The following AASS variants were observed in gnomAD, a reference collection of about 807,000 sequenced individuals.
The protein encoded by AASS is alpha-aminoadipic semialdehyde synthase, mitochondrial.
AASS carries 86 observed loss-of-function variants against 105.4 expected under a neutral mutation model. The observed-to-expected ratio is 0.82, with a 90% CI of 0.69 to 0.98. The LOEUF (loss-of-function observed/expected upper bound fraction) is 0.98. Ranked by LOEUF, AASS falls within the 50% of genes least tolerant of loss-of-function variation. AASS has a pLI of 0.00. For missense variants in AASS, 1,048 were observed against 1,143.2 expected, an observed-to-expected ratio of 0.92 and a Z score of 1.20; for synonymous variants, 381 against 394.8, an observed-to-expected ratio of 0.96 and a Z score of 0.41.
At position 122,118,646 on chromosome 7, in the gene AASS, A is replaced by G. The variant is rs1795302126; in HGVS notation, c.473-16T>C. 2 of 1,612,200 alleles carry G rather than the reference A, an allele frequency of 1.2e-6. No homozygotes were observed. The highest frequency in any genetic ancestry group is 4.5e-5 in the East Asian group (2 of 44,810). ...TTGATCATTCCTGTTACAGAATCAG[A>G]CCAATAGAAAGACTATTAGTTGGGA... On this transcript the variant is annotated splice_polypyrimidine_tract_variant and intron_variant, in intron 4 of 23. Coordinates refer to ENST00000417368, the MANE Select transcript of AASS (RefSeq NM_005763.4).
intron 6 of AASS, 144 bp downstream of exon 6, chr7:122,118,163 T>C: frequency 5.8e-6 from 5 of 855,104 alleles, no homozygotes; most frequent in South Asian, 1.6e-5. Context: ...TACTTTTCAC[T>C]ATGAGAAAAA....
At position 122,086,162 on chromosome 7, in the gene AASS, T is replaced by C; in HGVS notation, c.2034A>G (p.Gly678=). 1.2e-6 allele frequency: 2 copies of C among 1,613,358 alleles called. No individual in the cohort carries two copies. Among genetic ancestry groups the C allele is most frequent in the Non-Finnish European group, 1.7e-6 (2 of 1,179,704 alleles). The part of the protein sequence containing the change: ...LLDGKVVNVA[G]GISFLDAVTS... ...TAACGGCATCAAGAAAGGAGATGCC[T>C]CCTGCAACATTCACAACCTGAGGAA... Residue 678 remains glycine, a synonymous_variant, in exon 19 of 24, where the codon GGA becomes GGG. Transcript: ENST00000417368.
In AASS at chr7:122,098,794, C is replaced by T. The variant is rs372625904; in HGVS notation, c.1479G>A (p.Glu493=). 5 of 1,605,242 alleles carry T rather than the reference C, an allele frequency of 3.1e-6. No homozygotes were observed. The African/African-American group carries it at 4.1e-5, about 13-fold the overall frequency. ...CTCTTGATAAATATTCTAATACAGG[C>T]TCAGATATGTAGCCAGATCCAAGAA... The part of the protein sequence containing the change: ...VLVLGSGYIS[E]PVLEYLSRDG... The change falls in exon 14 of 24, where the codon GAG becomes GAA. Residue 493 remains glutamate, a synonymous_variant. Coordinates refer to ENST00000417368, the MANE Select transcript of AASS (RefSeq NM_005763.4).
intron 12 of AASS, 75 bp from the exon 13 acceptor site, chr7:122,101,513 G>T: frequency 6.7e-7 from 1 of 1,487,410 alleles, no homozygotes; most frequent in Non-Finnish European, 9.4e-7. Context: ...ATGACTGATA[G>T]AGAAAAGACA....
chr7:122,109,342 C>T (rs1019333220), intron 11 of AASS, among the ~76,000 whole-genome samples: 2 of 151,086 alleles, frequency 1.3e-5, no homozygotes, highest in Non-Finnish European at 1.5e-5. Flanking sequence ...CAAATCGTCA[C>T]ACAATATTTA....
chr7:122,134,910 G>A (rs1796074322), intron 1 of AASS, among the ~76,000 whole-genome samples: 1 of 152,168 alleles, frequency 6.6e-6, no homozygotes, highest in African/African-American at 2.4e-5. Context: ...TTAAGAAAAT[G>A]TGGCACATAT....
At chr7:122,082,461 G>A (rs1223170877) in intron 19 of AASS, among the ~76,000 whole-genome samples, 2 of 152,102 alleles carry the variant, frequency 1.3e-5, no homozygotes, top group Admixed American at 1.3e-4. Context: ...CTCACAAGTG[G>A]GCACTCCCTT....
rs374884203 is a variant in AASS, at chr7:122,081,481, G to A, written c.2280+19C>T. 61 of 1,585,664 alleles carry A rather than the reference G, an allele frequency of 3.8e-5. No individual in the cohort carries two copies. The highest frequency in any genetic ancestry group is 1.8e-4 in the South Asian group (16 of 90,532). ...ATTTCTGAAAAGGAGCAGATAGAAC[G>A]TAATTCGGAGTCACTCACCCAGGTG... On this transcript the variant is annotated intron_variant, in intron 20 of 23. Coordinates refer to ENST00000417368, the MANE Select transcript of AASS (RefSeq NM_005763.4).
chr7:122,133,686 A>ACCCCCAGCCTGC lies in AASS; in HGVS notation c.29_40dup (p.Gly10_Gly13dup). 1 of 1,613,916 alleles carries ACCCCCAGCCTGC rather than the reference A, an allele frequency of 6.2e-7. No individual in the cohort carries two copies. The highest frequency in any genetic ancestry group is 8.5e-7 in the Non-Finnish European group (1 of 1,179,996). ...GTGGTGAAGACCCTTGGAGAGGCTG[A>ACCCCCAGCCTGC]CCCCCAGCCTGCCCAGTCCAGTCCT... On this transcript the variant is annotated inframe_insertion, in exon 2 of 24. Transcript: ENST00000417368.
intron 15 of AASS, among the ~76,000 whole-genome samples, chr7:122,094,908 G>A (rs1044153328): frequency 1.3e-5 from 2 of 152,020 alleles, no homozygotes; most frequent in Admixed American, 1.3e-4. Context: ...CCATTTGGAA[G>A]ATGTGAAGGT....
intron 1 of AASS, 87 bp from the exon 2 acceptor site, chr7:122,133,828 T>C: frequency 1.8e-6 from 2 of 1,097,174 alleles, no homozygotes; most frequent in East Asian, 2.3e-5. Context: ...TGAGGTAAAA[T>C]ACAACCCGCT....
chr7:122,091,719 T>TA lies in AASS; in HGVS notation c.1999dup (p.Tyr667LeufsTer18). 1 of 1,613,328 alleles carries TA rather than the reference T, an allele frequency of 6.2e-7. No individual in the cohort carries two copies. Among genetic ancestry groups the TA allele is most frequent in the Non-Finnish European group, 8.5e-7 (1 of 1,179,474 alleles). On this transcript the variant is annotated frameshift_variant, in exon 18 of 24. Coordinates refer to ENST00000417368, the MANE Select transcript of AASS (RefSeq NM_005763.4). LOFTEE classifies it high-confidence loss of function. ...ATTCCTCACCTTTCCATCGAGCAGA[T>TA]AGGTGGCAGACTGCATTACATTCAT...
At chr7:122,109,080 T>C (rs1794810352) in intron 11 of AASS, among the ~76,000 whole-genome samples, 1 of 151,894 alleles carries the variant, frequency 6.6e-6, no homozygotes, top group Non-Finnish European at 1.5e-5. Context: ...AGAATAAATT[T>C]AACCAAGGAA....
chr7:122,128,734 T>C (rs989996028), intron 3 of AASS, among the ~76,000 whole-genome samples: 2 of 152,160 alleles, frequency 1.3e-5, no homozygotes, highest in African/African-American at 4.8e-5. Flanking sequence ...GTTTTTTTCA[T>C]AGTATTTCTA....
At chr7:122,076,904 G>T (rs1793039912) in intron 23 of AASS, among the ~76,000 whole-genome samples, 1 of 152,180 alleles carries the variant, frequency 6.6e-6, no homozygotes, top group South Asian at 2.1e-4. Flanking sequence ...AGTAAAGTAA[G>T]AAGTAAAGTA....
intron 1 of AASS, among the ~76,000 whole-genome samples, chr7:122,143,815 A>C (rs1563002914): frequency 6.6e-6 from 1 of 151,958 alleles, no homozygotes. Flanking sequence ...CCACAGCACC[A>C]CCACTGTCCG....
chr7:122,113,070 T>G (rs771899434), intron 11 of AASS, 48 bp downstream of exon 11: 1 of 1,443,986 alleles, frequency 6.9e-7, no homozygotes, highest in Non-Finnish European at 9.7e-7. Flanking sequence ...TACTCAATTA[T>G]TCAATTTAAA....
chr7:122,077,869 G>A lies in AASS; in HGVS notation c.2631C>T (p.Pro877=). The change falls in exon 23 of 24, where the codon CCC becomes CCT. Residue 877 remains proline, a synonymous_variant. Coordinates refer to ENST00000417368, the MANE Select transcript of AASS (RefSeq NM_005763.4). ...GCAACATTTTGGCTGCCATGGCGGT[G>A]GGTAACCCCACGGTTTTAGCCATGG... The part of the protein sequence containing the change: ...FSAMAKTVGL[P]TAMAAKMLLD... 6.2e-7 allele frequency: 1 copy of A among 1,614,142 alleles called. No homozygotes were observed. Among genetic ancestry groups the A allele is most frequent in the Non-Finnish European group, 8.5e-7 (1 of 1,180,024 alleles).
At chr7:122,112,790 G>A (rs1277011157) in intron 11 of AASS, among the ~76,000 whole-genome samples, 1 of 152,072 alleles carries the variant, frequency 6.6e-6, no homozygotes, top group Admixed American at 6.6e-5. Flanking sequence ...CAATAAGAGT[G>A]CCCCAATATG....
Sources: allele counts gnomAD v4.1 joint callset (sites outside exome capture counted in the v4.1 genomes callset), GRCh38; gene constraint gnomAD v4.1.1; transcripts MANE v1.5; gene names NCBI Gene and HGNC (gene_info 2026-07-23, HGNC 2026-07-21).